The following LHFPL3 variants were observed in gnomAD, a reference collection of about 807,000 sequenced individuals.
LHFPL3 encodes the protein LHFPL tetraspan subfamily member 3.
Under a neutral mutation model 19.3 loss-of-function variants are expected in LHFPL3, and 5 were observed. The ratio of observed to expected loss-of-function variants is 0.26; its 90% CI spans 0.14 to 0.54. LHFPL3 has a LOEUF of 0.54. Among genes scored for constraint, LHFPL3 ranks in the 20% least tolerant of loss-of-function variants. The probability of loss-of-function intolerance (pLI) is 0.94; values close to 1 mark genes in which losing one functional copy is unlikely to be tolerated. For synonymous variants in LHFPL3, 133 were observed against 126.2 expected, an observed-to-expected ratio of 1.05 and a Z score of -0.36; for missense variants, 249 against 307.4, an observed-to-expected ratio of 0.81 and a Z score of 1.42.
At chr7:104,357,586 AC>A (rs1352002151) in intron 1 of LHFPL3, among the ~76,000 whole-genome samples, 1 of 152,196 alleles carries the variant, frequency 6.6e-6, no homozygotes, top group Non-Finnish European at 1.5e-5. Context: ...AATGAGAGAA[AC>A]AAAACCAAAA....
intron 2 of LHFPL3, among the ~76,000 whole-genome samples, chr7:104,768,087 A>G (rs1162785177): frequency 6.6e-6 from 1 of 152,008 alleles, no homozygotes; most frequent in Non-Finnish European, 1.5e-5. Flanking sequence ...TTCATGGAAA[A>G]TACTCATGAA....
At chr7:104,554,808 G>C (rs1185074766) in intron 1 of LHFPL3, among the ~76,000 whole-genome samples, 1 of 152,160 alleles carries the variant, frequency 6.6e-6, no homozygotes, top group Non-Finnish European at 1.5e-5. Flanking sequence ...AATAGTCCAA[G>C]TCCAAAGCCT....
chr7:104,735,999 A>T (rs1481916132), intron 1 of LHFPL3, among the ~76,000 whole-genome samples: 1 of 152,202 alleles, frequency 6.6e-6, no homozygotes, highest in Non-Finnish European at 1.5e-5. Context: ...CAATAGTGGG[A>T]TTGCTGAATC....
intron 2 of LHFPL3, among the ~76,000 whole-genome samples, chr7:104,825,685 A>G (rs866004423): frequency 2.0e-5 from 3 of 151,960 alleles, no homozygotes; most frequent in Non-Finnish European, 2.9e-5. Context: ...AGGGGACTTC[A>G]TTGCATCAAG....
intron 2 of LHFPL3, among the ~76,000 whole-genome samples, chr7:104,748,897 C>T (rs927928612): frequency 5.9e-5 from 9 of 152,320 alleles, no homozygotes; most frequent in East Asian, 5.8e-4. Context: ...CATCTGGCGC[C>T]CAACGTGGGG....
intron 1 of LHFPL3, among the ~76,000 whole-genome samples, chr7:104,339,743 C>G (rs760781392): frequency 1.3e-5 from 2 of 152,096 alleles, no homozygotes; most frequent in African/African-American, 4.8e-5. Context: ...CTTATGTAGC[C>G]GTCATACCAT....
chr7:104,804,055 A>G (rs996208909), intron 2 of LHFPL3: 5 of 152,206 alleles, frequency 3.3e-5, no homozygotes, highest in Admixed American at 6.5e-5. Flanking sequence ...TGGACTTCAC[A>G]TCTTAGCAGA....
At chr7:104,707,149 T>C (rs1216844531) in intron 1 of LHFPL3, among the ~76,000 whole-genome samples, 1 of 152,232 alleles carries the variant, frequency 6.6e-6, no homozygotes, top group Non-Finnish European at 1.5e-5. Context: ...CGAATGTGTC[T>C]GACAGCAGAT....
At chr7:104,818,878 GT>G in intron 2 of LHFPL3, among the ~76,000 whole-genome samples, 1 of 150,962 alleles carries the variant, frequency 6.6e-6, no homozygotes, top group African/African-American at 2.4e-5. Context: ...CTATTTGCTT[GT>G]TTTGGGGTTT....
At chr7:104,509,653 G>T (rs796216105) in intron 1 of LHFPL3, among the ~76,000 whole-genome samples, 16 of 152,118 alleles carry the variant, frequency 1.1e-4, no homozygotes, top group African/African-American at 3.6e-4. Flanking sequence ...AAAATTAAAT[G>T]CTTTGCCTGT....
chr7:104,833,076 T>TA (rs1463994506), intron 2 of LHFPL3, among the ~76,000 whole-genome samples: 1 of 107,302 alleles, frequency 9.3e-6, no homozygotes, highest in Non-Finnish European at 1.7e-5. Flanking sequence ...ATATATATTA[T>TA]ATATATCTAA....
rs946879279 is a variant in LHFPL3, at chr7:104,782,846, C to T, written c.682+45935C>T. Among the ~76,000 whole-genome samples, 8 of 152,368 alleles carry T rather than the reference C, an allele frequency of 5.3e-5. No individual in the cohort carries two copies. In the South Asian group the frequency reaches 1.7e-3, roughly 32 times the overall value. On this transcript the variant is annotated intron_variant, in intron 2 of 2. Transcript: ENST00000424859. Reference sequence around the variant, plus strand: ...TGTCCACAAGCATGCCATGCTTTCACTTATCTCCAAGCCTTTGTACATTCC... The same window carrying T: ...TGTCCACAAGCATGCCATGCTTTCATTTATCTCCAAGCCTTTGTACATTCC...
intron 1 of LHFPL3, among the ~76,000 whole-genome samples, chr7:104,587,179 T>A (rs554584472): frequency 6.6e-6 from 1 of 152,246 alleles, no homozygotes; most frequent in Non-Finnish European, 1.5e-5. Context: ...TGCAGGTCTG[T>A]TACATATGTA....
At chr7:104,599,160 A>G (rs1382999852) in intron 1 of LHFPL3, among the ~76,000 whole-genome samples, 1 of 152,210 alleles carries the variant, frequency 6.6e-6, no homozygotes, top group Non-Finnish European at 1.5e-5. Context: ...TCTGGCTCAC[A>G]TCTGAATGAT....
intron 1 of LHFPL3, among the ~76,000 whole-genome samples, chr7:104,683,854 C>T (rs1027931885): frequency 6.6e-6 from 1 of 152,138 alleles, no homozygotes; most frequent in African/African-American, 2.4e-5. Context: ...ACATTTCTTT[C>T]CATTTATTCA....
intron 1 of LHFPL3, among the ~76,000 whole-genome samples, chr7:104,389,869 C>A (rs1791029849): frequency 6.6e-6 from 1 of 152,076 alleles, no homozygotes; most frequent in African/African-American, 2.4e-5. Context: ...AATCAACTCA[C>A]CATCAATTAC....
At chr7:104,469,975 G>C (rs1227700598) in intron 1 of LHFPL3, 1 of 455,748 alleles carries the variant, frequency 2.2e-6, no homozygotes, top group Admixed American at 2.3e-5. Context: ...AGGTGGTTGC[G>C]CTTGAAATGC....
At chr7:104,534,474 G>T (rs577478954) in intron 1 of LHFPL3, among the ~76,000 whole-genome samples, 15 of 152,304 alleles carry the variant, frequency 9.8e-5, no homozygotes, top group East Asian at 7.7e-4. Context: ...GGAATCTTAG[G>T]ATCCATTACA....
chr7:104,886,308 A>G (rs973398103), intron 2 of LHFPL3, among the ~76,000 whole-genome samples: 1 of 152,224 alleles, frequency 6.6e-6, no homozygotes, highest in African/African-American at 2.4e-5. Context: ...GATGGCCACT[A>G]ACTCGTGGCT....
Sources: gnomAD v4.1 joint callset for allele counts (sites outside exome capture counted in the v4.1 genomes callset) on GRCh38, gnomAD v4.1.1 for gene constraint, MANE v1.5 for transcripts, NCBI Gene and HGNC (gene_info 2026-07-23, HGNC 2026-07-21) for gene names.